PARD3B: variants seen among roughly 807,000 people sequenced by gnomAD.
The protein encoded by PARD3B is par-3 family cell polarity regulator beta, also known as partitioning defective 3 homolog B.
PARD3B carries 103 observed loss-of-function variants against 130.2 expected under a neutral mutation model. The ratio of observed to expected loss-of-function variants is 0.79; its 90% CI spans 0.67 to 0.93. The LOEUF is 0.93. PARD3B is among the 40% of genes least tolerant of loss of function. The pLI, the probability that PARD3B is intolerant of heterozygous loss-of-function variation, is 0.00. For missense variants in PARD3B, 1,609 were observed against 1,499.2 expected (o/e 1.07, Z -1.21); for synonymous variants, 583 against 553.2 (o/e 1.05, Z -0.76).
Position 205,568,366 on chromosome 2 carries a change from A to G in PARD3B, c.3260+14963A>G, listed in dbSNP as rs1023763457. On this transcript the variant is annotated intron_variant, in intron 22 of 22. Transcript: ENST00000406610. The surrounding 1 kb of genome is among the most constrained non-coding windows in gnomAD (Gnocchi z 5.3). ...AGCACCAACAGAGCAACCCAAGAGA[A>G]TAACTCTAGAAGAAGATACTTCCAG... is the stretch of plus-strand genomic sequence containing the variant. 1.3e-5 allele frequency among the ~76,000 whole-genome samples: 2 copies of G among 152,250 alleles called. No homozygotes were observed. The highest frequency in any genetic ancestry group is 2.9e-5 in the Non-Finnish European group (2 of 68,032).
chr2:205,186,629 G>A (rs2036116551), intron 14 of PARD3B, among the ~76,000 whole-genome samples: 1 of 151,898 alleles, frequency 6.6e-6, no homozygotes, highest in Non-Finnish European at 1.5e-5. Context: ...TTTTAATACA[G>A]TCTGCTAAAA....
intron 2 of PARD3B, among the ~76,000 whole-genome samples, chr2:204,914,332 G>T (rs2047362431): frequency 6.6e-6 from 1 of 151,994 alleles, no homozygotes; most frequent in Non-Finnish European, 1.5e-5. Flanking sequence ...CCCGTTTTTA[G>T]CTGAACTAAA....
rs71879579 is a variant in PARD3B at position 205,238,835 on chromosome 2, CAAA to C, written c.2141-6930_2141-6928del. 5.4e-3 allele frequency among the ~76,000 whole-genome samples: 142 copies of C among 26,096 alleles called. 1 individual carries two copies. The highest frequency in any genetic ancestry group is 0.023 in the African/African-American group (137 of 5,854). 17.1% of individuals were successfully genotyped at this position (26,096 alleles called of 152,430 possible). A position where few individuals can be genotyped will look rare whatever the true frequency, so the allele number is the denominator to read the frequency against. ...CAACAAAAGCTAAAAAACTCCGTTT[CAAA>C]AAAAAAAAAAAATATATATATATAT... On this transcript the variant is annotated intron_variant, in intron 15 of 22. Transcript: ENST00000406610.
chr2:205,386,141 T>C (rs2045653420), intron 18 of PARD3B, among the ~76,000 whole-genome samples: 1 of 152,196 alleles, frequency 6.6e-6, no homozygotes, highest in Non-Finnish European at 1.5e-5. Flanking sequence ...CTTTCACCTG[T>C]GAAAATGTTA....
intron 20 of PARD3B, 65 bp from the exon 21 acceptor site, chr2:205,499,831 A>T (rs1162297497): frequency 6.8e-7 from 1 of 1,464,894 alleles, no homozygotes; most frequent in African/African-American, 1.4e-5. Context: ...TAACAAGAAG[A>T]TCCAAAAGTG....
chr2:204,776,211 A>G (rs1209432327), intron 2 of PARD3B, among the ~76,000 whole-genome samples: 1 of 152,208 alleles, frequency 6.6e-6, no homozygotes. Flanking sequence ...TTCTATAGAT[A>G]GCAATTACAG....
intron 1 of PARD3B, among the ~76,000 whole-genome samples, chr2:204,561,895 C>A (rs1038594615): frequency 6.6e-6 from 1 of 152,122 alleles, no homozygotes; most frequent in Admixed American, 6.5e-5. Flanking sequence ...CCGCGCCCGG[C>A]CATCTCCCCT....
At chr2:204,711,043 A>C (rs56272258) in intron 2 of PARD3B, among the ~76,000 whole-genome samples, 2,566 of 152,290 alleles carry the variant, frequency 0.017, 47 homozygotes, top group Middle Eastern at 0.031. Flanking sequence ...TAAATTTTTA[A>C]ATTTAATATT....
chr2:204,802,272 G>A (rs992106887), intron 2 of PARD3B, among the ~76,000 whole-genome samples: 5 of 152,036 alleles, frequency 3.3e-5, no homozygotes, highest in Non-Finnish European at 2.9e-5. Context: ...ACAGAAATGC[G>A]AATCAAAACC....
intron 2 of PARD3B, among the ~76,000 whole-genome samples, chr2:204,748,445 C>T (rs886507531): frequency 5.9e-5 from 9 of 152,112 alleles, no homozygotes; most frequent in Admixed American, 5.9e-4. Flanking sequence ...TTCTACTCAT[C>T]TTCCTACAAA....
At chr2:205,256,226 TTA>T (rs2040078263) in intron 16 of PARD3B, among the ~76,000 whole-genome samples, 1 of 152,130 alleles carries the variant, frequency 6.6e-6, no homozygotes, top group Non-Finnish European at 1.5e-5. Flanking sequence ...CATGGCTCCC[TTA>T]TATTATTAAT....
chr2:205,013,143 G>C (rs905022579), intron 3 of PARD3B, among the ~76,000 whole-genome samples: 2 of 152,104 alleles, frequency 1.3e-5, no homozygotes, highest in African/African-American at 2.4e-5. Flanking sequence ...AGAACCAAAG[G>C]AACTTTTACT....
chr2:205,228,007 C>A (rs1574449707), intron 15 of PARD3B, among the ~76,000 whole-genome samples: 1 of 152,222 alleles, frequency 6.6e-6, no homozygotes, highest in East Asian at 1.9e-4. Context: ...CTTCATCCTC[C>A]TGCTTTTTAA....
intron 16 of PARD3B, among the ~76,000 whole-genome samples, chr2:205,298,588 A>C (rs2041877417): frequency 6.6e-6 from 1 of 152,074 alleles, no homozygotes. Context: ...CCCTACATTA[A>C]TAGCCAGTAG....
At chr2:205,098,419 A>G (rs967511827) in intron 4 of PARD3B, among the ~76,000 whole-genome samples, 2 of 152,290 alleles carry the variant, frequency 1.3e-5, no homozygotes, top group Admixed American at 1.3e-4. Flanking sequence ...ATACTTATTG[A>G]TAGACAGGAC....
chr2:204,958,225 T>TA (rs1473435246), intron 2 of PARD3B, among the ~76,000 whole-genome samples: 1 of 152,174 alleles, frequency 6.6e-6, no homozygotes, highest in Non-Finnish European at 1.5e-5. Context: ...ATTCAGGCTA[T>TA]AAAAATGACA....
Position 205,351,307 on chromosome 2 carries a change from G to A in PARD3B, c.2630+49606G>A, listed in dbSNP as rs2043986776. Among the ~76,000 whole-genome samples the A allele has an allele frequency of 6.6e-6, 1 of 152,182 alleles. No individual in the cohort carries two copies. Among genetic ancestry groups the A allele is most frequent in the African/African-American group, 2.4e-5 (1 of 41,444 alleles). Reference sequence around the variant, plus strand: ...GATAAGACCACTCCTTTGTGGAGTTGTATCAGGGAATAGTCTCTTAATCCC... The same window carrying A: ...GATAAGACCACTCCTTTGTGGAGTTATATCAGGGAATAGTCTCTTAATCCC... On this transcript the variant is annotated intron_variant, in intron 18 of 22. Transcript: ENST00000406610. This position sits in a 1 kb window ranked among gnomAD's most constrained non-coding sequence, Gnocchi z 4.2.
At position 205,183,507 on chromosome 2, in the gene PARD3B, G is replaced by A. The variant is rs2035911312; in HGVS notation, c.1925-2257G>A. 1.3e-5 allele frequency among the ~76,000 whole-genome samples: 2 copies of A among 152,040 alleles called. No homozygotes were observed. The highest frequency in any genetic ancestry group is 4.2e-4 in the South Asian group (2 of 4,818). Reference sequence around the variant, plus strand: ...CTGCTGCCACCACTAACAAATCAATGGGCCCCTAGGGTTGGAGGTGGTGCA... The same window carrying A: ...CTGCTGCCACCACTAACAAATCAATAGGCCCCTAGGGTTGGAGGTGGTGCA... On this transcript the variant is annotated intron_variant, in intron 13 of 22. Transcript: ENST00000406610. The surrounding 1 kb of genome is among the most constrained non-coding windows in gnomAD (Gnocchi z 5.2).
intron 2 of PARD3B, among the ~76,000 whole-genome samples, chr2:204,801,871 A>G (rs1454364056): frequency 1.3e-5 from 2 of 152,174 alleles, no homozygotes; most frequent in African/African-American, 2.4e-5. Flanking sequence ...TTATTTTGAG[A>G]TACATTCCAT....
Sources: allele counts gnomAD v4.1 joint callset (sites outside exome capture counted in the v4.1 genomes callset), GRCh38; gene constraint gnomAD v4.1.1; non-coding constraint Gnocchi (gnomAD v3.1); transcripts MANE v1.5; gene names NCBI Gene and HGNC (gene_info 2026-07-23, HGNC 2026-07-21).